TRAPPC9: variants seen among roughly 807,000 people sequenced by gnomAD.
The protein encoded by TRAPPC9 is trafficking protein particle complex subunit 9, also known as IKK2 binding protein.
In TRAPPC9, 83 loss-of-function variants were observed where a neutral mutation model predicts 124.0. The ratio of observed to expected loss-of-function variants is 0.67; its 90% CI spans 0.56 to 0.80. TRAPPC9 has a LOEUF of 0.80. TRAPPC9 is among the 30% of genes least tolerant of loss of function. The pLI, the probability that TRAPPC9 is intolerant of heterozygous loss-of-function variation, is 0.00. For missense variants in TRAPPC9, 1,302 were observed against 1,508.3 expected (o/e 0.86, Z 2.27); for synonymous variants, 638 against 617.5 (o/e 1.03, Z -0.49).
At chr8:140,401,782 C>T (rs1247819787) in intron 6 of TRAPPC9, among the ~76,000 whole-genome samples, 1 of 151,976 alleles carries the variant, frequency 6.6e-6, no homozygotes, top group African/African-American at 2.4e-5. Flanking sequence ...CACCACCACA[C>T]CCGGCTAATT....
chr8:139,791,301 C>G (rs1307581087), intron 21 of TRAPPC9, among the ~76,000 whole-genome samples: 1 of 151,456 alleles, frequency 6.6e-6, no homozygotes, highest in Non-Finnish European at 1.5e-5. Context: ...CAGACTCTCA[C>G]ACAGGCGCCC....
In TRAPPC9 at chr8:139,776,135, A is replaced by C. The variant is rs1233726820; in HGVS notation, c.3056-43933T>G. On this transcript the variant is annotated intron_variant, in intron 21 of 22. Coordinates refer to ENST00000438773, the MANE Select transcript of TRAPPC9 (RefSeq NM_001160372.4). The surrounding 1 kb of genome is among the most constrained non-coding windows in gnomAD (Gnocchi z 4.1). ...CAAGAGGACGAGGCTGGACTCTGCC[A>C]GGACCACGTGCTAGTCATGGGGGCT... 6.6e-6 allele frequency among the ~76,000 whole-genome samples: 1 copy of C among 152,206 alleles called. No individual in the cohort carries two copies. The highest frequency in any genetic ancestry group is 6.5e-5 in the Admixed American group (1 of 15,280).
intron 9 of TRAPPC9, among the ~76,000 whole-genome samples, chr8:140,324,989 G>C (rs1373952781): frequency 6.6e-6 from 1 of 151,378 alleles, no homozygotes; most frequent in Non-Finnish European, 1.5e-5. Context: ...CATTTTAAAA[G>C]ACTGAAATCA....
intron 17 of TRAPPC9, among the ~76,000 whole-genome samples, chr8:140,115,619 A>G (rs2060867002): frequency 9.7e-6 from 1 of 103,054 alleles, no homozygotes. Flanking sequence ...AATATTTTCA[A>G]TCTATGGTTG....
rs180776532 is a variant in TRAPPC9 at position 140,379,983 on chromosome 8, T to A, written c.1135-8803A>T. ...ATTGTAGGTATCTCGTGTTCATGGA[T>A]TGGAAGACAATATTGCTAAGATGGT... On this transcript the variant is annotated intron_variant, in intron 7 of 22. Transcript: ENST00000438773. Among the ~76,000 whole-genome samples, 4 of 152,316 alleles carry A rather than the reference T, an allele frequency of 2.6e-5. No homozygotes were observed. The East Asian group carries it at 7.7e-4, about 29-fold the overall frequency.
chr8:139,915,989 G>A (rs1832103320), intron 19 of TRAPPC9, among the ~76,000 whole-genome samples: 1 of 152,232 alleles, frequency 6.6e-6, no homozygotes, highest in South Asian at 2.1e-4. Context: ...AAAGGGAATA[G>A]ACTTAAATCC....
At chr8:139,745,002 G>C (rs752144405) in intron 21 of TRAPPC9, among the ~76,000 whole-genome samples, 1 of 152,194 alleles carries the variant, frequency 6.6e-6, no homozygotes, top group African/African-American at 2.4e-5. Context: ...GGGAGACCCC[G>C]GGGATGTGCA....
chr8:140,406,237 T>C (rs1245017937), intron 5 of TRAPPC9, among the ~76,000 whole-genome samples: 1 of 152,214 alleles, frequency 6.6e-6, no homozygotes, highest in Non-Finnish European at 1.5e-5. Flanking sequence ...ACAAGCATTT[T>C]GGAGCAACTT....
chr8:139,995,785 A>G (rs551947879), intron 18 of TRAPPC9, among the ~76,000 whole-genome samples: 78 of 150,438 alleles, frequency 5.2e-4, no homozygotes, highest in Non-Finnish European at 8.8e-4. Flanking sequence ...GGGCACCCAC[A>G]TGCGGCTGAT....
At chr8:140,217,463 G>A (rs894381914) in intron 17 of TRAPPC9, among the ~76,000 whole-genome samples, 1 of 152,194 alleles carries the variant, frequency 6.6e-6, no homozygotes, top group Admixed American at 6.5e-5. Context: ...CCTCTGGCAG[G>A]ATCTAAGCAT....
chr8:140,195,967 T>G (rs56173562), intron 17 of TRAPPC9, among the ~76,000 whole-genome samples: 13 of 144,862 alleles, frequency 9.0e-5, no homozygotes, highest in African/African-American at 2.3e-4. Context: ...CACACTCAAC[T>G]ATCCACCGTA....
chr8:140,030,810 C>G (rs898394057), intron 17 of TRAPPC9, among the ~76,000 whole-genome samples: 3 of 152,194 alleles, frequency 2.0e-5, no homozygotes, highest in African/African-American at 7.2e-5. Context: ...AAAGCTCAGC[C>G]TTTGGTAGCA....
chr8:140,237,852 G>A (rs2063761214), intron 16 of TRAPPC9, among the ~76,000 whole-genome samples: 1 of 152,126 alleles, frequency 6.6e-6, no homozygotes, highest in Non-Finnish European at 1.5e-5. Context: ...GCAGCCGGGA[G>A]CCCAATCCAA....
chr8:140,420,569 T>C (rs1426184757), intron 5 of TRAPPC9, among the ~76,000 whole-genome samples: 1 of 152,184 alleles, frequency 6.6e-6, no homozygotes, highest in Admixed American at 6.5e-5. Context: ...AAGATGACTT[T>C]TACAATAAGG....
At chr8:139,836,200 G>T (rs1441449478) in intron 21 of TRAPPC9, among the ~76,000 whole-genome samples, 1 of 152,050 alleles carries the variant, frequency 6.6e-6, no homozygotes, top group African/African-American at 2.4e-5. Context: ...GTAGAGACGG[G>T]GTTTCATCAC....
At chr8:140,037,326 C>T (rs1393803255) in intron 17 of TRAPPC9, among the ~76,000 whole-genome samples, 1 of 151,380 alleles carries the variant, frequency 6.6e-6, no homozygotes, top group Non-Finnish European at 1.5e-5. Context: ...GGAAAGAGTG[C>T]TGTAAGTACC....
intron 5 of TRAPPC9, among the ~76,000 whole-genome samples, chr8:140,421,984 C>CAAAAAAA (rs35152459): frequency 1.6e-3 from 69 of 43,576 alleles, no homozygotes; most frequent in East Asian, 3.4e-3. Context: ...TCCCTCATGA[C>CAAAAAAA]AAAAAAAAAA....
At chr8:139,922,684 C>T (rs908159487) in intron 19 of TRAPPC9, among the ~76,000 whole-genome samples, 6 of 152,194 alleles carry the variant, frequency 3.9e-5, no homozygotes, top group South Asian at 2.1e-4. Flanking sequence ...CCAGGTGAGA[C>T]GCGGCCCAGA....
intron 7 of TRAPPC9, among the ~76,000 whole-genome samples, chr8:140,386,300 T>C (rs2068753996): frequency 6.6e-6 from 1 of 152,112 alleles, no homozygotes. Flanking sequence ...TCAACATAGT[T>C]GGAAGTTCTG....
Sources: gnomAD v4.1 joint callset for allele counts (sites outside exome capture counted in the v4.1 genomes callset) on GRCh38, gnomAD v4.1.1 for gene constraint, Gnocchi (gnomAD v3.1) non-coding constraint, MANE v1.5 for transcripts, NCBI Gene and HGNC (gene_info 2026-07-23, HGNC 2026-07-21) for gene names.